LMAN1: variants seen among roughly 807,000 people sequenced by gnomAD.
LMAN1 encodes the protein protein ERGIC-53.
LMAN1 carries 32 observed loss-of-function variants against 67.8 expected under a neutral mutation model. The observed-to-expected ratio is 0.47, with a 90% CI of 0.36 to 0.63. LMAN1 has a LOEUF of 0.63. LMAN1 is among the 30% of genes least tolerant of loss of function. The pLI, the probability that LMAN1 is intolerant of heterozygous loss-of-function variation, is 0.00. For missense variants in LMAN1, 632 were observed against 628.2 expected (o/e 1.01, Z -0.06); for synonymous variants, 235 against 219.3 (o/e 1.07, Z -0.63).
In LMAN1 at chr18:59,354,587, A is replaced by C. The variant is rs1458653378; in HGVS notation, c.478-7T>G. 1 of 1,348,602 alleles carries C rather than the reference A, an allele frequency of 7.4e-7. No individual in the cohort carries two copies. Among genetic ancestry groups the C allele is most frequent in the South Asian group, 1.2e-5 (1 of 83,920 alleles). The allele number at this position is 1,348,602 out of a possible 1,614,324, so 83.5% of individuals were successfully genotyped here. A position where few individuals can be genotyped will look rare whatever the true frequency, so the allele number is the denominator to read the frequency against. Reference sequence around the variant, plus strand: ...CTATAGCAGGATTATTTTTCTAAAAAAAAGGAAAACATTTTAAAAAATGTC... The same window carrying C: ...CTATAGCAGGATTATTTTTCTAAAACAAAGGAAAACATTTTAAAAAATGTC... On this transcript the variant is annotated splice_polypyrimidine_tract_variant and splice_region_variant and intron_variant, in intron 3 of 12. Coordinates refer to ENST00000251047, the MANE Select transcript of LMAN1 (RefSeq NM_005570.4).
At chr18:59,340,466 A>T (rs1455757721) in intron 8 of LMAN1, among the ~76,000 whole-genome samples, 2 of 152,136 alleles carry the variant, frequency 1.3e-5, no homozygotes, top group East Asian at 3.9e-4. Context: ...CAGGCCAGAA[A>T]GGAATGGGCA....
At chr18:59,349,807 G>A (rs183077632) in intron 5 of LMAN1, among the ~76,000 whole-genome samples, 69 of 152,338 alleles carry the variant, frequency 4.5e-4, no homozygotes, top group African/African-American at 1.6e-3. Flanking sequence ...ATATTTGAAG[G>A]AATGATCCTA....
intron 10 of LMAN1, among the ~76,000 whole-genome samples, chr18:59,334,986 GA>G (rs1288208253): frequency 6.6e-6 from 1 of 152,134 alleles, no homozygotes; most frequent in Admixed American, 6.6e-5. Context: ...ACTCCTCTAA[GA>G]AAGGGATTCT....
intron 1 of LMAN1, among the ~76,000 whole-genome samples, chr18:59,358,466 G>A (rs538047786): frequency 6.6e-6 from 1 of 152,140 alleles, no homozygotes; most frequent in Non-Finnish European, 1.5e-5. Context: ...GACATACAAA[G>A]ACTTAAAAAA....
chr18:59,349,066 A>G (rs1307720606), intron 6 of LMAN1, 47 bp downstream of exon 6: 1 of 1,610,408 alleles, frequency 6.2e-7, no homozygotes, highest in Non-Finnish European at 8.5e-7. Flanking sequence ...TATTCCCAAT[A>G]AAACACACCT....
chr18:59,347,365 T>C (rs1027712271), intron 7 of LMAN1, 148 bp downstream of exon 7: 2 of 248,000 alleles, frequency 8.1e-6, no homozygotes, highest in Non-Finnish European at 1.5e-5. Flanking sequence ...AAAAAAGAAA[T>C]GAAGCATTAC....
In LMAN1 at chr18:59,329,955, G is replaced by A. The variant is rs1440415646; in HGVS notation, c.*1138C>T. 2 of 152,220 alleles carry A rather than the reference G, an allele frequency of 1.3e-5. No individual in the cohort carries two copies. The highest frequency in any genetic ancestry group is 3.9e-4 in the East Asian group (2 of 5,182). The allele number at this position is 152,220 out of a possible 1,614,324, so 9.4% of individuals were successfully genotyped here. ...TTACAGACTGTTTCTGTAATACCTAGAAGTATGCACAAAGACTATAAAAAC... is the reference window on the plus strand; with the variant it reads ...TTACAGACTGTTTCTGTAATACCTAAAAGTATGCACAAAGACTATAAAAAC... On this transcript the variant is annotated 3_prime_UTR_variant, in exon 13 of 13. Transcript: ENST00000251047.
Position 59,338,924 on chromosome 18 carries a change from G to A in LMAN1, c.985C>T (p.Arg329Ter), listed in dbSNP as rs1455537429. The change falls in exon 9 of 13, where the codon CGA becomes TGA. Residue 329 changes from arginine (R) to a stop codon, truncating the protein, a stop_gained. Coordinates refer to ENST00000251047, the MANE Select transcript of LMAN1 (RefSeq NM_005570.4). LOFTEE classifies it high-confidence loss of function. ...AEEIFESVGD[R>*]ELRQVFEGQN... is the part of the protein sequence containing the mutation. ...CCTTCAAAGACTTGTCTTAGCTCTC[G>A]ATCTCCTACACTCTCAAATATTTCC... 4 of 1,612,864 alleles carry A rather than the reference G, an allele frequency of 2.5e-6. No individual in the cohort carries two copies. Among genetic ancestry groups the A allele is most frequent in the Admixed American group, 3.3e-5 (2 of 59,976 alleles).
chr18:59,336,211 T>C (rs547586479), intron 10 of LMAN1, among the ~76,000 whole-genome samples: 2 of 152,270 alleles, frequency 1.3e-5, no homozygotes, highest in East Asian at 1.9e-4. Context: ...GCGGTAGTAA[T>C]GAGCATACCT....
At chr18:59,347,620 T>G in intron 6 of LMAN1, 49 bp from the exon 7 acceptor site, 1 of 1,181,314 alleles carries the variant, frequency 8.5e-7, no homozygotes, top group Non-Finnish European at 1.2e-6. Context: ...AGGAGATTAC[T>G]TTTATCATTG....
chr18:59,332,249 C>T (rs564494778), intron 11 of LMAN1, among the ~76,000 whole-genome samples: 24 of 151,722 alleles, frequency 1.6e-4, no homozygotes, highest in African/African-American at 4.8e-4. Context: ...AGACAATGTA[C>T]GAGAAAAATA....
At chr18:59,346,157 A>G in intron 7 of LMAN1, 106 bp from the exon 8 acceptor site, 1 of 889,288 alleles carries the variant, frequency 1.1e-6, no homozygotes, top group Non-Finnish European at 1.7e-6. Context: ...CACTAGCGGA[A>G]AGGTTAACAT....
chr18:59,355,763 C>T, intron 1 of LMAN1, 105 bp from the exon 2 acceptor site: 2 of 1,288,244 alleles, frequency 1.6e-6, no homozygotes, highest in Non-Finnish European at 2.2e-6. Context: ...GTAACCTGTA[C>T]AATAATGATT....
At chr18:59,331,217 T>C in intron 12 of LMAN1, 88 bp from the exon 13 acceptor site, 1 of 1,205,942 alleles carries the variant, frequency 8.3e-7, no homozygotes. Context: ...AAAATATCAA[T>C]GCCTTTTGAA....
chr18:59,330,728 G>C lies in LMAN1; in HGVS notation c.*365C>G, dbSNP rs1050554834. 5.3e-6 allele frequency: 1 copy of C among 189,292 alleles called. No individual in the cohort carries two copies. Among genetic ancestry groups the C allele is most frequent in the African/African-American group, 2.4e-5 (1 of 42,484 alleles). The allele number at this position is 189,292 out of a possible 1,614,324, so 11.7% of individuals were successfully genotyped here. The stretch of plus-strand genomic sequence containing the variant: ...CTTAATTAGACCTCATATTCTGGGA[G>C]GCATGAGGGCAAGTGTGTTTACGTT... On this transcript the variant is annotated 3_prime_UTR_variant, in exon 13 of 13. Transcript: ENST00000251047.
intron 3 of LMAN1, 23 bp from the exon 4 acceptor site, chr18:59,354,603 A>T (rs909291511): frequency 1.4e-5 from 16 of 1,182,494 alleles, no homozygotes; most frequent in Admixed American, 1.7e-5. Context: ...AAAACATTTT[A>T]AAAAATGTCT....
Position 59,331,548 on chromosome 18 carries a change from C to T in LMAN1, c.1375-9G>A. ...GGCTTTTCATTTGATGGCTGTAAGG[C>T]AAATGACTTTCTATTACAGTTAGTC... On this transcript the variant is annotated splice_polypyrimidine_tract_variant and intron_variant, in intron 11 of 12. Transcript: ENST00000251047. The T allele has an allele frequency of 6.2e-7, 1 of 1,612,738 alleles. No individual in the cohort carries two copies. Among genetic ancestry groups the T allele is most frequent in the East Asian group, 2.2e-5 (1 of 44,828 alleles).
At chr18:59,335,030 T>A (rs534236175) in intron 10 of LMAN1, among the ~76,000 whole-genome samples, 2 of 152,292 alleles carry the variant, frequency 1.3e-5, no homozygotes, top group African/African-American at 2.4e-5. Context: ...TAGGACGTCC[T>A]GACAACTAGT....
At chr18:59,347,487 GT>G in intron 7 of LMAN1, 25 bp downstream of exon 7, 1 of 1,577,710 alleles carries the variant, frequency 6.3e-7, no homozygotes, top group Non-Finnish European at 8.7e-7. Context: ...AACTGATAAA[GT>G]TTTTGAAAAT....
Sources: allele counts gnomAD v4.1 joint callset (sites outside exome capture counted in the v4.1 genomes callset), GRCh38; gene constraint gnomAD v4.1.1; transcripts MANE v1.5; gene names NCBI Gene and HGNC (gene_info 2026-07-23, HGNC 2026-07-21).